Variants in TRIM63 observed in about 807,000 individuals in gnomAD.
The protein encoded by TRIM63 is tripartite motif containing 63, also known as E3 ubiquitin-protein ligase TRIM63.
TRIM63 carries 48 observed loss-of-function variants against 46.0 expected under a neutral mutation model. That is an observed-to-expected ratio of 1.04 (90% CI 0.83 to 1.33). The LOEUF (loss-of-function observed/expected upper bound fraction) is 1.33, where lower values mean the gene tolerates loss of function less well. TRIM63 is among the 40% of genes most tolerant of loss of function. The probability of loss-of-function intolerance (pLI) is 0.00; values close to 1 mark genes in which losing one functional copy is unlikely to be tolerated. For missense variants in TRIM63, 455 were observed against 441.2 expected (o/e 1.03, Z -0.28); for synonymous variants, 175 against 162.8 (o/e 1.08, Z -0.57).
chr1:26,052,266 T>A (rs1488315693), intron 8 of TRIM63, among the ~76,000 whole-genome samples: 2 of 152,180 alleles, frequency 1.3e-5, no homozygotes, highest in Non-Finnish European at 2.9e-5. Flanking sequence ...TAGACCCCCA[T>A]ACACAGATGA....
At chr1:26,061,747 G>A (rs1042843478) in intron 2 of TRIM63, among the ~76,000 whole-genome samples, 1 of 152,216 alleles carries the variant, frequency 6.6e-6, no homozygotes, top group Non-Finnish European at 1.5e-5. Context: ...AAGGGCAGAG[G>A]AGCCTAGAGT....
At chr1:26,060,062 G>A (rs1283027721) in intron 4 of TRIM63, among the ~76,000 whole-genome samples, 3 of 152,096 alleles carry the variant, frequency 2.0e-5, no homozygotes. Flanking sequence ...CACATCTTGG[G>A]TGGGGCCGGA....
rs1290052469 is a variant in TRIM63, at chr1:26,060,364, A to G, written c.502-3T>C. On this transcript the variant is annotated splice_polypyrimidine_tract_variant and splice_region_variant and intron_variant, in intron 3 of 8. Coordinates refer to ENST00000374272, the MANE Select transcript of TRIM63 (RefSeq NM_032588.4). The stretch of plus-strand genomic sequence containing the variant: ...GAGATACAGTTATTCAGTTCAGTCT[A>G]GATGGGGGTGTGGGGGTCAGGAGAG... 6.2e-7 allele frequency: 1 copy of G among 1,613,230 alleles called. No individual in the cohort carries two copies. Among genetic ancestry groups the G allele is most frequent in the African/African-American group, 1.3e-5 (1 of 74,902 alleles).
rs2275947 is a variant in TRIM63 at position 26,057,384 on chromosome 1, A to G, written c.855-57T>C. 343,751 of 1,594,192 alleles carry G rather than the reference A, an allele frequency of 0.22. 41,246 individuals are homozygous for G. The highest frequency in any genetic ancestry group is 0.5 in the African/African-American group (36,745 of 74,206). On this transcript the variant is annotated intron_variant, in intron 6 of 8. Coordinates refer to ENST00000374272, the MANE Select transcript of TRIM63 (RefSeq NM_032588.4). ...AGGTCTCTGGGGCTCAGTGCAGGGA[A>G]GAGAGGGCACATGCTTTGCCACGCC...
Position 26,053,934 on chromosome 1 carries a change from T to G in TRIM63, c.1010A>C (p.Glu337Ala). 6.3e-7 allele frequency: 1 copy of G among 1,593,254 alleles called. No homozygotes were observed. The highest frequency in any genetic ancestry group is 1.1e-5 in the South Asian group (1 of 87,936). ...TGTGGACTCTTCCTCTTCCTGATCT[T>G]CTTCTTCAATGAATTCTTCCTCTTC... ...DEEEEEFIEE[E>A]DQEEEESTEG... Residue 337 changes from glutamate (E) to alanine (A), a missense_variant, in exon 8 of 9, where the codon GAA (glutamate) becomes GCA (alanine). Transcript: ENST00000374272.
chr1:26,063,406 C>G (rs1207655815), intron 2 of TRIM63, among the ~76,000 whole-genome samples: 4 of 152,226 alleles, frequency 2.6e-5, no homozygotes. Context: ...ACTGATCACA[C>G]CCTGGGCTCT....
In TRIM63 at chr1:26,058,440, C is replaced by A. The variant is rs149312738; in HGVS notation, c.781G>T (p.Glu261Ter). 1.1e-5 allele frequency: 17 copies of A among 1,614,090 alleles called. 1 individual carries two copies. Among genetic ancestry groups the A allele is most frequent in the African/African-American group, 2.7e-5 (2 of 74,926 alleles). ...EQLDKSTKLVETAIQSLDEPG... is the reference protein window; with the variant it reads ...EQLDKSTKLV Reference sequence around the variant, plus strand: ...TCGTCCAGGGACTGGATGGCAGTTTCCACCAGCTTTGTGGACTTGTCCAGC... The same window carrying A: ...TCGTCCAGGGACTGGATGGCAGTTTACACCAGCTTTGTGGACTTGTCCAGC... The change falls in exon 5 of 9, where the codon GAA becomes TAA. Residue 261 changes from glutamate to a stop codon, truncating the protein, a stop_gained. Transcript: ENST00000374272. LOFTEE classifies it high-confidence loss of function.
chr1:26,065,017 T>TTGTGGG (rs2050663744), intron 2 of TRIM63, among the ~76,000 whole-genome samples: 1 of 149,588 alleles, frequency 6.7e-6, no homozygotes, highest in African/African-American at 2.5e-5. Context: ...TTGTGTTGTG[T>TTGTGGG]TGTGTGTGTG....
intron 4 of TRIM63, 151 bp from the exon 5 acceptor site, chr1:26,058,774 C>A (rs915146979): frequency 6.0e-6 from 4 of 666,314 alleles, no homozygotes; most frequent in East Asian, 2.6e-5. Context: ...AAAGACTTAA[C>A]AAGAAGAAAA....
chr1:26,051,841 T>C lies in TRIM63; in HGVS notation c.*32A>G. On this transcript the variant is annotated 3_prime_UTR_variant, in exon 9 of 9. Transcript: ENST00000374272. ...CCCTCCCCACCCTCTCCAGTCTCTCTGCATCTGGGGGCCTCTCATTCATCC... is the reference window on the plus strand; with the variant it reads ...CCCTCCCCACCCTCTCCAGTCTCTCCGCATCTGGGGGCCTCTCATTCATCC... 1 of 1,154,870 alleles carries C rather than the reference T, an allele frequency of 8.7e-7. No homozygotes were observed. The highest frequency in any genetic ancestry group is 1.1e-6 in the Non-Finnish European group (1 of 920,178). The allele number at this position is 1,154,870 out of a possible 1,614,324, so 71.5% of individuals were successfully genotyped here.
intron 2 of TRIM63, among the ~76,000 whole-genome samples, chr1:26,063,454 G>C (rs2050645946): frequency 6.6e-6 from 1 of 152,228 alleles, no homozygotes; most frequent in African/African-American, 2.4e-5. Context: ...CCCTTTCCAG[G>C]CTTGTCTTTT....
chr1:26,067,096 G>C (rs555534173), intron 1 of TRIM63, among the ~76,000 whole-genome samples: 89 of 152,162 alleles, frequency 5.8e-4, no homozygotes, highest in Non-Finnish European at 9.4e-4. Flanking sequence ...GCAGTGCTCA[G>C]GGCAGGGGTG....
rs12058535 is a variant in TRIM63 at position 26,066,483 on chromosome 1, T to C, written c.160-43A>G. On this transcript the variant is annotated intron_variant, in intron 1 of 8. Transcript: ENST00000374272. ...CAAGGTGAGGCCTGGGCTCCCTACT[T>C]AGCCCTTCTCTTTTCTAATCTCCTC... The C allele has an allele frequency of 5.6e-3, 8,331 of 1,490,568 alleles. 380 individuals carry two copies. The African/African-American group carries it at 0.1, about 18-fold the overall frequency. The allele number at this position is 1,490,568 out of a possible 1,614,324, so 92.3% of individuals were successfully genotyped here.
At chr1:26,066,713 T>C (rs1340653282) in intron 1 of TRIM63, among the ~76,000 whole-genome samples, 1 of 152,208 alleles carries the variant, frequency 6.6e-6, no homozygotes, top group Non-Finnish European at 1.5e-5. Context: ...TGTGTAGGCC[T>C]CAGTTTGCCC....
chr1:26,054,071 G>T, intron 7 of TRIM63, 107 bp from the exon 8 acceptor site: 2 of 762,364 alleles, frequency 2.6e-6, no homozygotes, highest in Non-Finnish European at 2.0e-6. Flanking sequence ...CCTGTGCCCA[G>T]TCGGGTCAAA....
chr1:26,056,457 T>A (rs2050571047), intron 7 of TRIM63, among the ~76,000 whole-genome samples: 1 of 152,208 alleles, frequency 6.6e-6, no homozygotes, highest in Admixed American at 6.5e-5. Flanking sequence ...CCTTTCTGCA[T>A]TGATATCTGA....
intron 8 of TRIM63, 103 bp downstream of exon 8, chr1:26,053,790 G>C: frequency 1.1e-6 from 1 of 870,792 alleles, no homozygotes; most frequent in Non-Finnish European, 1.8e-6. Context: ...AGTTCTGAGC[G>C]TCATTGCCAA....
chr1:26,058,310 G>T, intron 5 of TRIM63, 80 bp downstream of exon 5: 1 of 1,259,644 alleles, frequency 7.9e-7, no homozygotes, highest in Non-Finnish European at 1.1e-6. Context: ...GCCCATGGGT[G>T]GTCAGTGGGG....
chr1:26,059,027 T>TA (rs944688169), intron 4 of TRIM63, among the ~76,000 whole-genome samples: 6 of 146,578 alleles, frequency 4.1e-5, no homozygotes, highest in African/African-American at 1.5e-4. Flanking sequence ...GTTGCCCTTT[T>TA]TTTTTTTTTT....
Sources: allele counts gnomAD v4.1 joint callset (sites outside exome capture counted in the v4.1 genomes callset), GRCh38; gene constraint gnomAD v4.1.1; transcripts MANE v1.5; gene names NCBI Gene and HGNC (gene_info 2026-07-23, HGNC 2026-07-21).